The following ASTN2 variants were observed in gnomAD, a reference collection of about 807,000 sequenced individuals.
ASTN2 encodes the protein astrotactin-2.
In ASTN2, 54 loss-of-function variants were observed where a neutral mutation model predicts 139.8. That is an observed-to-expected ratio of 0.39 (90% CI 0.31 to 0.48). The LOEUF is 0.48. ASTN2 is among the 20% of genes least tolerant of loss of function. The pLI is 0.95. For missense variants in ASTN2, 1,565 were observed against 1,725.1 expected (o/e 0.91, Z 1.64); for synonymous variants, 756 against 719.5 (o/e 1.05, Z -0.81).
chr9:116,678,825 C>G (rs1211465533), intron 16 of ASTN2, among the ~76,000 whole-genome samples: 1 of 152,038 alleles, frequency 6.6e-6, no homozygotes, highest in East Asian at 1.9e-4. Context: ...GTAAAGAGTT[C>G]TAAACAGTTT....
intron 2 of ASTN2, among the ~76,000 whole-genome samples, chr9:117,233,258 G>A (rs953403241): frequency 2.0e-5 from 3 of 152,146 alleles, no homozygotes; most frequent in Admixed American, 6.5e-5. Flanking sequence ...TCCAAAGCAG[G>A]AAATCAAACA....
At chr9:116,534,902 T>C (rs776743480) in intron 19 of ASTN2, among the ~76,000 whole-genome samples, 3 of 152,206 alleles carry the variant, frequency 2.0e-5, no homozygotes, top group Non-Finnish European at 2.9e-5. Context: ...CTGAGTTTAA[T>C]TCCTAGATAC....
intron 16 of ASTN2, among the ~76,000 whole-genome samples, chr9:116,674,054 C>T (rs1391839025): frequency 6.6e-6 from 1 of 152,160 alleles, no homozygotes; most frequent in African/African-American, 2.4e-5. Context: ...CAAAGCAGAC[C>T]TCCTTCTTGC....
In ASTN2 at chr9:116,463,481, T is replaced by C. The variant is rs1433264055; in HGVS notation, c.3498-20928A>G. ...TGCTTCAGCAATACCAAACAACATA[T>C]TGTTTCTCAAGCATGCCATTGTCCC... On this transcript the variant is annotated intron_variant, in intron 20 of 22. Coordinates refer to ENST00000313400, the MANE Select transcript of ASTN2 (RefSeq NM_001365068.1). Among the ~76,000 whole-genome samples, 5 of 152,180 alleles carry C rather than the reference T, an allele frequency of 3.3e-5. No individual in the cohort carries two copies. The South Asian group carries it at 6.2e-4, about 19-fold the overall frequency.
intron 1 of ASTN2, among the ~76,000 whole-genome samples, chr9:117,369,239 C>A (rs1048555434): frequency 3.9e-5 from 6 of 152,038 alleles, no homozygotes; most frequent in African/African-American, 1.2e-4. Context: ...GGAAATAAGC[C>A]TCCATGTAAC....
chr9:116,855,851 G>A (rs1166451761), intron 11 of ASTN2, among the ~76,000 whole-genome samples: 1 of 152,122 alleles, frequency 6.6e-6, no homozygotes, highest in African/African-American at 2.4e-5. Context: ...CCAGGGCCAG[G>A]CACATAATTA....
chr9:117,408,029 C>T (rs554242515), intron 1 of ASTN2, among the ~76,000 whole-genome samples: 1 of 152,282 alleles, frequency 6.6e-6, no homozygotes, highest in East Asian at 1.9e-4. Flanking sequence ...AGTGAGGCTT[C>T]CTTCTGCCCC....
At chr9:116,517,415 A>C (rs1031562168) in intron 19 of ASTN2, among the ~76,000 whole-genome samples, 1 of 152,134 alleles carries the variant, frequency 6.6e-6, no homozygotes, top group African/African-American at 2.4e-5. Flanking sequence ...AACAATCACT[A>C]CATTTCAGCT....
chr9:117,026,773 A>G (rs527529755), intron 6 of ASTN2, among the ~76,000 whole-genome samples: 1 of 152,184 alleles, frequency 6.6e-6, no homozygotes, highest in African/African-American at 2.4e-5. Flanking sequence ...GGAACAAGAC[A>G]GCTACACTCT....
At chr9:117,133,937 A>C (rs991757673) in intron 4 of ASTN2, among the ~76,000 whole-genome samples, 6 of 152,112 alleles carry the variant, frequency 3.9e-5, no homozygotes, top group African/African-American at 1.4e-4. Flanking sequence ...AGTTGTGTCT[A>C]TCCAGTCCTC....
chr9:116,681,841 G>T (rs1446211547), intron 16 of ASTN2, among the ~76,000 whole-genome samples: 4 of 151,274 alleles, frequency 2.6e-5, no homozygotes, highest in African/African-American at 9.7e-5. Flanking sequence ...GCTGAAACTG[G>T]ATCCCTTCCT....
At chr9:117,367,862 G>C (rs928310728) in intron 1 of ASTN2, among the ~76,000 whole-genome samples, 3 of 152,064 alleles carry the variant, frequency 2.0e-5, no homozygotes, top group African/African-American at 7.2e-5. Context: ...AGGGACTTTA[G>C]GTCAGCCCCT....
At chr9:117,340,533 G>A (rs772081692) in intron 1 of ASTN2, among the ~76,000 whole-genome samples, 1 of 151,878 alleles carries the variant, frequency 6.6e-6, no homozygotes, top group Admixed American at 6.6e-5. Flanking sequence ...TAAGACCTGT[G>A]GGGGGAATGA....
At chr9:117,062,615 A>C (rs1458180515) in intron 5 of ASTN2, among the ~76,000 whole-genome samples, 2 of 152,182 alleles carry the variant, frequency 1.3e-5, no homozygotes, top group Non-Finnish European at 2.9e-5. Flanking sequence ...CATTCAATAC[A>C]ATCTGCAACA....
intron 16 of ASTN2, among the ~76,000 whole-genome samples, chr9:116,683,061 T>TA (rs199935502): frequency 3.4e-4 from 46 of 136,354 alleles, no homozygotes; most frequent in African/African-American, 9.4e-4. Context: ...AAAAATAAAT[T>TA]AAAAAAAAAA....
At chr9:117,321,721 G>C (rs980580827) in intron 1 of ASTN2, among the ~76,000 whole-genome samples, 2 of 152,130 alleles carry the variant, frequency 1.3e-5, no homozygotes, top group Non-Finnish European at 2.9e-5. Flanking sequence ...TGATGCTCTA[G>C]AACAGAGCTT....
At chr9:117,328,140 A>C (rs1828580082) in intron 1 of ASTN2, among the ~76,000 whole-genome samples, 2 of 152,164 alleles carry the variant, frequency 1.3e-5, no homozygotes, top group Non-Finnish European at 2.9e-5. Flanking sequence ...AACCCTGAAC[A>C]ATTCCCTTTC....
chr9:116,688,291 T>C (rs1260888080), intron 16 of ASTN2, among the ~76,000 whole-genome samples: 2 of 151,986 alleles, frequency 1.3e-5, no homozygotes, highest in African/African-American at 4.8e-5. Context: ...GAGGATTGAA[T>C]CGTGGGGTGG....
intron 5 of ASTN2, among the ~76,000 whole-genome samples, chr9:117,070,839 G>A (rs1374047473): frequency 6.5e-4 from 99 of 151,274 alleles, no homozygotes; most frequent in African/African-American, 2.2e-3. Context: ...CGTAGCTCTC[G>A]AGCCTTGGTT....
Sources: gnomAD v4.1 joint callset for allele counts (sites outside exome capture counted in the v4.1 genomes callset) on GRCh38, gnomAD v4.1.1 for gene constraint, MANE v1.5 for transcripts, NCBI Gene and HGNC (gene_info 2026-07-23, HGNC 2026-07-21) for gene names.